KDM4C: variants seen among roughly 807,000 people sequenced by gnomAD.
The protein encoded by KDM4C is lysine-specific demethylase 4C.
KDM4C carries 81 observed loss-of-function variants against 129.3 expected under a neutral mutation model. The observed-to-expected ratio is 0.63, with a 90% confidence interval of 0.52 to 0.75. The LOEUF is 0.75. Ranked by LOEUF, KDM4C falls within the 30% of genes least tolerant of loss-of-function variation. The pLI, the probability that KDM4C is intolerant of heterozygous loss-of-function variation, is 0.00. For synonymous variants in KDM4C, 573 were observed against 456.1 expected (o/e 1.26, Z -3.26); for missense variants, 1,457 against 1,304.0 (o/e 1.12, Z -1.81).
At chr9:6,817,492 A>G (rs1212208973) in intron 4 of KDM4C, among the ~76,000 whole-genome samples, 1 of 152,128 alleles carries the variant, frequency 6.6e-6, no homozygotes, top group Non-Finnish European at 1.5e-5. Context: ...GGTGTGAGCC[A>G]CTGTGCCCAG....
chr9:7,175,558 A>G lies in KDM4C; in HGVS notation c.*829A>G, dbSNP rs1167473732. On this transcript the variant is annotated 3_prime_UTR_variant, in exon 22 of 22. Transcript: ENST00000381309. ...AGTTTAAATAAATATGCTTTGATGC[A>G]TAGTTTTGAACTAATGTAACATGAT... 1 of 152,632 alleles carries G rather than the reference A, an allele frequency of 6.6e-6. No individual in the cohort carries two copies. The highest frequency in any genetic ancestry group is 2.4e-5 in the African/African-American group (1 of 41,448). The allele number at this position is 152,632 out of a possible 1,614,324, so 9.5% of individuals were successfully genotyped here.
chr9:6,761,616 G>A (rs1296197691), intron 1 of KDM4C, among the ~76,000 whole-genome samples: 1 of 152,056 alleles, frequency 6.6e-6, no homozygotes, highest in African/African-American at 2.4e-5. Flanking sequence ...CACTGCACCT[G>A]GCCTGATCAT....
At chr9:6,778,498 A>G (rs1191196864) in intron 1 of KDM4C, among the ~76,000 whole-genome samples, 1 of 151,354 alleles carries the variant, frequency 6.6e-6, no homozygotes, top group Non-Finnish European at 1.5e-5. Context: ...CCGGTGCGGT[A>G]GCTCACGCCT....
At chr9:7,074,851 A>G (rs1833706514) in intron 17 of KDM4C, among the ~76,000 whole-genome samples, 3 of 152,130 alleles carry the variant, frequency 2.0e-5, no homozygotes, top group Non-Finnish European at 1.5e-5. Context: ...TTATTTCTGT[A>G]TATCTGAATG....
upstream of KDM4C, chr9:6,757,962 C>G (rs1212680509): frequency 1.0e-6 from 1 of 985,394 alleles, no homozygotes; most frequent in Non-Finnish European, 1.2e-6. Context: ...CGCGCGCGCC[C>G]TCGCGCAGGG....
At chr9:6,804,753 G>A (rs1190897768) in intron 2 of KDM4C, among the ~76,000 whole-genome samples, 1 of 138,230 alleles carries the variant, frequency 7.2e-6, no homozygotes, top group Non-Finnish European at 1.6e-5. Context: ...GTGAGACTCC[G>A]TCTCAAAAAA....
At chr9:6,898,038 G>A (rs1816736863) in intron 8 of KDM4C, among the ~76,000 whole-genome samples, 1 of 152,128 alleles carries the variant, frequency 6.6e-6, no homozygotes. Flanking sequence ...TTGGATCAAA[G>A]CGCCGGCCGG....
At chr9:6,993,649 G>T (rs1261439384) in intron 12 of KDM4C, among the ~76,000 whole-genome samples, 1 of 152,148 alleles carries the variant, frequency 6.6e-6, no homozygotes, top group Non-Finnish European at 1.5e-5. Flanking sequence ...GCATGCTCTG[G>T]TGCACCCGTG....
chr9:7,028,708 G>A (rs1826215199), intron 15 of KDM4C, among the ~76,000 whole-genome samples: 2 of 152,034 alleles, frequency 1.3e-5, no homozygotes, highest in Admixed American at 1.3e-4. Context: ...GCACCCCAGA[G>A]TACTCTAGCC....
intron 1 of KDM4C, among the ~76,000 whole-genome samples, chr9:6,738,684 A>G (rs191978135): frequency 7.9e-5 from 12 of 152,144 alleles, no homozygotes; most frequent in African/African-American, 1.7e-4. Flanking sequence ...GGTTCAAGCA[A>G]TTCTCCTGCT....
chr9:6,735,994 C>A (rs554858247), intron 1 of KDM4C, among the ~76,000 whole-genome samples: 8 of 152,276 alleles, frequency 5.3e-5, no homozygotes, highest in African/African-American at 1.9e-4. Context: ...AAACGCGGAA[C>A]TTGCTGGGAA....
At chr9:7,117,751 G>A (rs538893296) in intron 18 of KDM4C, among the ~76,000 whole-genome samples, 8 of 151,980 alleles carry the variant, frequency 5.3e-5, no homozygotes, top group East Asian at 1.9e-4. Flanking sequence ...AAGAACTCCT[G>A]AAATAAAAAA....
At chr9:7,077,008 C>T in intron 17 of KDM4C, 1 of 985,464 alleles carries the variant, frequency 1.0e-6, no homozygotes, top group Non-Finnish European at 1.2e-6. Flanking sequence ...GTCTGTCAGC[C>T]TGAATCCTTC....
At chr9:6,984,555 C>T (rs1372782066) in intron 10 of KDM4C, 151 bp downstream of exon 10, 1 of 616,100 alleles carries the variant, frequency 1.6e-6, no homozygotes, top group Non-Finnish European at 2.9e-6. Flanking sequence ...AACCAATAGT[C>T]CCAGGGAATA....
At chr9:7,067,837 C>G (rs1237689439) in intron 17 of KDM4C, among the ~76,000 whole-genome samples, 1 of 151,926 alleles carries the variant, frequency 6.6e-6, no homozygotes, top group African/African-American at 2.4e-5. Flanking sequence ...GCCCTGTTGC[C>G]CAGGATGGAG....
intron 15 of KDM4C, among the ~76,000 whole-genome samples, chr9:7,034,633 A>G (rs566170708): frequency 6.6e-6 from 1 of 152,328 alleles, no homozygotes; most frequent in African/African-American, 2.4e-5. Flanking sequence ...TACAGTAAAC[A>G]TAGAGGGGGC....
intron 8 of KDM4C, among the ~76,000 whole-genome samples, chr9:6,951,750 A>G (rs1016390386): frequency 6.1e-4 from 93 of 152,224 alleles, no homozygotes; most frequent in African/African-American, 2.1e-3. Context: ...ATCATGTAGC[A>G]TAGAGATGCC....
intron 1 of KDM4C, chr9:6,734,585 T>A (rs114328978): frequency 1.8e-5 from 4 of 227,008 alleles, no homozygotes; most frequent in Non-Finnish European, 3.4e-5. Flanking sequence ...TGTGTCACCA[T>A]GCCTGGCCTG....
chr9:6,967,981 ATATC>A (rs748595411), intron 8 of KDM4C, among the ~76,000 whole-genome samples: 1 of 144,640 alleles, frequency 6.9e-6, no homozygotes, highest in Non-Finnish European at 1.5e-5. Flanking sequence ...AATTGAGACA[ATATC>A]TATAATGACT....
Sources: allele counts gnomAD v4.1 joint callset (sites outside exome capture counted in the v4.1 genomes callset), GRCh38; gene constraint gnomAD v4.1.1; transcripts MANE v1.5; gene names NCBI Gene and HGNC (gene_info 2026-07-23, HGNC 2026-07-21).